CALY: variants seen among roughly 807,000 people sequenced by gnomAD.
CALY encodes the protein neuron-specific vesicular protein calcyon.
In CALY, 15 loss-of-function variants were observed where a neutral mutation model predicts 20.2. That is an observed-to-expected ratio of 0.74 (90% CI 0.50 to 1.14). CALY has a LOEUF of 1.14. CALY is among the 50% of genes most tolerant of loss of function. The probability of loss-of-function intolerance (pLI) is 0.00; values close to 1 mark genes in which losing one functional copy is unlikely to be tolerated. For synonymous variants in CALY, 129 were observed against 131.8 expected (o/e 0.98, Z 0.15); for missense variants, 270 against 304.4 (o/e 0.89, Z 0.84).
In CALY at chr10:133,328,119, G is replaced by A. The variant is rs965400659; in HGVS notation, c.136-104C>T. On this transcript the variant is annotated intron_variant, in intron 2 of 5. Transcript: ENST00000252939. ...CCAGCGTCAGCTTCGTGGCAGTGGT[G>A]TTGACGCTGACCCATCTCCCAGGAC... is the stretch of plus-strand genomic sequence containing the variant. 3 of 731,796 alleles carry A rather than the reference G, an allele frequency of 4.1e-6. No homozygotes were observed. The South Asian group carries it at 4.6e-5, about 11-fold the overall frequency. 45.3% of individuals were successfully genotyped at this position (731,796 alleles called of 1,614,324 possible).
intron 3 of CALY, 79 bp from the exon 4 acceptor site, chr10:133,327,070 G>T: frequency 1.0e-6 from 1 of 958,526 alleles, no homozygotes; most frequent in East Asian, 2.6e-5. Flanking sequence ...GGCTGGGCTG[G>T]CACAGGACCA....
At chr10:133,329,392 C>CTTCTTCTTCTTTTTTTTTTTTTTT (rs549430070) in intron 1 of CALY, among the ~76,000 whole-genome samples, 2 of 137,450 alleles carry the variant, frequency 1.5e-5, no homozygotes, top group African/African-American at 5.8e-5. Context: ...TCTTCTTCTT[C>CTTCTTCTTCTTTTTTTTTTTTTTT]TTTTTTTTTT....
rs1042874598 is a variant in CALY, at chr10:133,324,905, C to T, written c.*690G>A. ...CAGCCCCCAGGAACCAGAGCTCACC[C>T]CTCATCAGGCCCCACTCCCCACTCA... On this transcript the variant is annotated 3_prime_UTR_variant, in exon 6 of 6. Coordinates refer to ENST00000252939, the MANE Select transcript of CALY (RefSeq NM_015722.4). The T allele has an allele frequency of 8.2e-6, 2 of 244,156 alleles. No individual in the cohort carries two copies. Among genetic ancestry groups the T allele is most frequent in the Admixed American group, 5.3e-5 (1 of 19,036 alleles). 15.1% of individuals were successfully genotyped at this position (244,156 alleles called of 1,614,324 possible).
In CALY at chr10:133,326,872, C is replaced by T; in HGVS notation, c.360+6G>A. 2 of 1,595,220 alleles carry T rather than the reference C, an allele frequency of 1.3e-6. No homozygotes were observed. Among genetic ancestry groups the T allele is most frequent in the South Asian group, 1.1e-5 (1 of 88,082 alleles). Reference sequence around the variant, plus strand: ...ACACCCCCCACCAGAGCCCTGGCCCCCTTACCCGCAGCAGGAAGCCGTCGG... The same window carrying T: ...ACACCCCCCACCAGAGCCCTGGCCCTCTTACCCGCAGCAGGAAGCCGTCGG... On this transcript the variant is annotated splice_donor_region_variant and intron_variant, in intron 4 of 5. Coordinates refer to ENST00000252939, the MANE Select transcript of CALY (RefSeq NM_015722.4).
chr10:133,332,610 G>A (rs1288692540), intron 1 of CALY, among the ~76,000 whole-genome samples: 1 of 152,226 alleles, frequency 6.6e-6, no homozygotes, highest in Non-Finnish European at 1.5e-5. Context: ...TGATGAGGGT[G>A]CATTGTGGGT....
rs780867007 is a variant in CALY at position 133,327,967 on chromosome 10, G to A, written c.184C>T (p.Gln62Ter). The A allele has an allele frequency of 3.8e-5, 62 of 1,613,140 alleles. No individual in the cohort carries two copies. The highest frequency in any genetic ancestry group is 5.3e-5 in the Non-Finnish European group (62 of 1,179,658). The change falls in exon 3 of 6, where the codon CAG becomes TAG. Residue 62 changes from glutamine (Q) to a stop codon, truncating the protein, a stop_gained. Coordinates refer to ENST00000252939, the MANE Select transcript of CALY (RefSeq NM_015722.4). LOFTEE classifies it high-confidence loss of function. ...TGGCCCTCCAGGTCAGGGAAATTCT[G>A]CTGGTCTGGGGAGGACAGCTGGTAT... ...TEYQLSSPDQ[Q>*]NFPDLEGQRL...
At chr10:133,331,801 G>C (rs2133381274) in intron 1 of CALY, among the ~76,000 whole-genome samples, 1 of 152,274 alleles carries the variant, frequency 6.6e-6, no homozygotes, top group African/African-American at 2.4e-5. Flanking sequence ...TATATGGAAG[G>C]CAGAGGGGCA....
intron 1 of CALY, among the ~76,000 whole-genome samples, chr10:133,332,129 GA>G (rs34950354): frequency 0.78 from 115,337 of 147,074 alleles, 45,923 homozygotes; most frequent in East Asian, 0.93. Flanking sequence ...CTCCGTCTGG[GA>G]AAAAAAAAAA....
chr10:133,326,922 T>C lies in CALY; in HGVS notation c.316A>G (p.Ile106Val). The C allele has an allele frequency of 3.7e-6, 6 of 1,611,196 alleles. No homozygotes were observed. Among genetic ancestry groups the C allele is most frequent in the East Asian group, 2.2e-5 (1 of 44,786 alleles). Reference protein sequence around the residue: ...LGCVLIMYKAIWYDQFTCPDG... With the variant: ...LGCVLIMYKAVWYDQFTCPDG... ...GGGCAGGTGAACTGGTCGTACCAGATGGCCTTGTACATGATCAGCACGCAG... is the reference window on the plus strand; with the variant it reads ...GGGCAGGTGAACTGGTCGTACCAGACGGCCTTGTACATGATCAGCACGCAG... Residue 106 changes from isoleucine (I) to valine (V), a missense_variant, in exon 4 of 6, where the codon ATC (isoleucine) becomes GTC (valine). Physicochemically the swap from Ile to Val is conservative, Grantham distance 29. Transcript: ENST00000252939.
chr10:133,326,272 C>T (rs1368923995), intron 4 of CALY, 152 bp from the exon 5 acceptor site: 7 of 1,550,504 alleles, frequency 4.5e-6, no homozygotes, highest in Middle Eastern at 1.7e-4. Context: ...CAGTTCAGAA[C>T]TCAGGGCCCT....
At chr10:133,326,288 G>A (rs763642948) in intron 4 of CALY, 168 bp from the exon 5 acceptor site, 4 of 1,549,954 alleles carry the variant, frequency 2.6e-6, no homozygotes, top group South Asian at 2.4e-5. Context: ...GCCCTGGAGG[G>A]GCATGGAGCA....
At chr10:133,329,514 G>C (rs991975436) in intron 1 of CALY, among the ~76,000 whole-genome samples, 4 of 151,642 alleles carry the variant, frequency 2.6e-5, no homozygotes, top group Non-Finnish European at 5.9e-5. Flanking sequence ...AGCCTCCCGA[G>C]TACCTGGGAC....
At position 133,332,561 on chromosome 10, in the gene CALY, A is replaced by G. The variant is rs74164148; in HGVS notation, c.-20-3552T>C. ...AAAACAGCCTTCAAAAAATGGAAGCAGAAACCAAGACTGGGAGAAGACAGT... is the reference window on the plus strand; with the variant it reads ...AAAACAGCCTTCAAAAAATGGAAGCGGAAACCAAGACTGGGAGAAGACAGT... On this transcript the variant is annotated intron_variant, in intron 1 of 5. Coordinates refer to ENST00000252939, the MANE Select transcript of CALY (RefSeq NM_015722.4). Among the ~76,000 whole-genome samples the G allele has an allele frequency of 7.0e-3, 1,071 of 152,366 alleles. 21 individuals are homozygous for G. Among genetic ancestry groups the G allele is most frequent in the African/African-American group, 0.025 (1,023 of 41,580 alleles).
chr10:133,328,758 C>T (rs1848254671), intron 2 of CALY, 97 bp downstream of exon 2: 1 of 1,296,130 alleles, frequency 7.7e-7, no homozygotes, highest in Non-Finnish European at 1.0e-6. Flanking sequence ...TGCTCTACTG[C>T]ACCTGGGAAG....
chr10:133,328,997 G>T lies in CALY; in HGVS notation c.-8C>A. 6.4e-7 allele frequency: 1 copy of T among 1,557,332 alleles called. No individual in the cohort carries two copies. The highest frequency in any genetic ancestry group is 2.4e-5 in the East Asian group (1 of 42,206). ...GCAGCCCAGCTTCACCATGGTGGAT[G>T]GCAGTCCTTGTCCTGTCCAAAGACA... is the stretch of plus-strand genomic sequence containing the variant. On this transcript the variant is annotated 5_prime_UTR_variant, in exon 2 of 6. Coordinates refer to ENST00000252939, the MANE Select transcript of CALY (RefSeq NM_015722.4).
In CALY at chr10:133,324,361, A is replaced by G. The variant is rs1184503519; in HGVS notation, c.*1234T>C. Reference sequence around the variant, plus strand: ...GCTTCCTGGGCACTGCCGCTGTTCCAAAGCAGGCCAGTCCCACTGAGCTGG... The same window carrying G: ...GCTTCCTGGGCACTGCCGCTGTTCCGAAGCAGGCCAGTCCCACTGAGCTGG... On this transcript the variant is annotated 3_prime_UTR_variant, in exon 6 of 6. Transcript: ENST00000252939. 3 of 455,872 alleles carry G rather than the reference A, an allele frequency of 6.6e-6. No individual in the cohort carries two copies. Among genetic ancestry groups the G allele is most frequent in the South Asian group, 4.6e-5 (3 of 64,528 alleles). The allele number at this position is 455,872 out of a possible 1,614,324, so 28.2% of individuals were successfully genotyped here.
intron 1 of CALY, among the ~76,000 whole-genome samples, chr10:133,331,531 A>G (rs1278436614): frequency 1.1e-4 from 17 of 152,186 alleles, no homozygotes. Flanking sequence ...TAATATCAAA[A>G]CTATCAAATC....
intron 1 of CALY, 63 bp from the exon 2 acceptor site, chr10:133,329,072 C>T: frequency 5.7e-6 from 8 of 1,409,666 alleles, no homozygotes; most frequent in Admixed American, 2.3e-5. Context: ...CGCCAGCTGG[C>T]TCTGAAGCCA....
intron 1 of CALY, among the ~76,000 whole-genome samples, chr10:133,331,524 T>C (rs529534804): frequency 1.4e-3 from 208 of 152,222 alleles, no homozygotes; most frequent in Admixed American, 2.4e-3. Context: ...ATTTAAATAA[T>C]ATCAAAACTA....
Sources: allele counts gnomAD v4.1 joint callset (sites outside exome capture counted in the v4.1 genomes callset), GRCh38; gene constraint gnomAD v4.1.1; transcripts MANE v1.5; gene names NCBI Gene and HGNC (gene_info 2026-07-23, HGNC 2026-07-21).